Variants in HEPH observed in about 807,000 individuals in gnomAD.
HEPH encodes hephaestin.
Under a neutral mutation model 80.8 loss-of-function variants are expected in HEPH, and 69 were observed. That is an observed-to-expected ratio of 0.85 (90% CI 0.70 to 1.04). The LOEUF (loss-of-function observed/expected upper bound fraction) is 1.04. Ranked by LOEUF, HEPH falls within the 50% of genes least tolerant of loss-of-function variation. The probability of loss-of-function intolerance (pLI) is 0.00; values close to 1 mark genes in which losing one functional copy is unlikely to be tolerated. For missense variants in HEPH, 1,115 were observed against 891.3 expected (o/e 1.25, Z -3.20); for synonymous variants, 431 against 322.8 (o/e 1.34, Z -3.60).
chrX:66,207,173 A>C, intron 13 of HEPH, 22 bp from the exon 14 acceptor site: 3 of 1,189,978 alleles, frequency 2.5e-6, no homozygotes, highest in South Asian at 1.8e-5. Flanking sequence ...AGGTGCTGAT[A>C]GTACTCTTTG....
intron 18 of HEPH, among the ~76,000 whole-genome samples, chrX:66,259,531 G>A (rs2091286483): frequency 9.0e-6 from 1 of 111,451 alleles, no homozygotes; most frequent in African/African-American, 3.3e-5. Flanking sequence ...CATTCATAGG[G>A]GTCAAAGCTT....
chrX:66,180,606 T>A (rs1420938307), intron 4 of HEPH, among the ~76,000 whole-genome samples: 2 of 107,987 alleles, frequency 1.9e-5, no homozygotes, highest in Non-Finnish European at 3.8e-5. Flanking sequence ...AATCTTTTTG[T>A]AATGAATTTC....
chrX:66,264,817 TA>T (rs919595777), intron 20 of HEPH, among the ~76,000 whole-genome samples: 2 of 105,808 alleles, frequency 1.9e-5, no homozygotes, highest in African/African-American at 6.8e-5. Flanking sequence ...TATATATATA[TA>T]TTTTTATATA....
intron 13 of HEPH, among the ~76,000 whole-genome samples, chrX:66,204,235 T>A: frequency 8.9e-6 from 1 of 112,084 alleles, no homozygotes; most frequent in Non-Finnish European, 1.9e-5. Context: ...CTAATTCTTA[T>A]GGCCATAATT....
rs1176975454 is a variant in HEPH at position 66,265,679 on chromosome X, G to A, written c.3245-761G>A. Among the ~76,000 whole-genome samples the A allele has an allele frequency of 3.6e-5, 4 of 111,688 alleles. No homozygotes were observed. The Admixed American group carries it at 3.8e-4, about 11-fold the overall frequency. ...ATTTAAGGTAGGGCTAGAAAGATAA[G>A]GAGTAAAGTGTGTTCAGACAAAGGG... On this transcript the variant is annotated intron_variant, in intron 20 of 20. Transcript: ENST00000343002.
chrX:66,246,559 G>T (rs1342954035), intron 15 of HEPH, among the ~76,000 whole-genome samples: 1 of 110,937 alleles, frequency 9.0e-6, no homozygotes, highest in Admixed American at 9.6e-5. Context: ...CATCCAGGTG[G>T]TCCTCTGCCT....
At chrX:66,242,011 A>C (rs1399187153) in intron 15 of HEPH, among the ~76,000 whole-genome samples, 5 of 110,746 alleles carry the variant, frequency 4.5e-5, no homozygotes, top group African/African-American at 1.6e-4. Context: ...ATTAGAAAAA[A>C]AACTATTTTA....
At chrX:66,195,794 T>C (rs945786764) in intron 9 of HEPH, among the ~76,000 whole-genome samples, 3 of 111,999 alleles carry the variant, frequency 2.7e-5, no homozygotes, top group Non-Finnish European at 5.6e-5. Context: ...CAGGTTGCAA[T>C]GAATGAATGC....
In HEPH at chrX:66,193,724, G is replaced by T. The variant is rs1465267220; in HGVS notation, c.1369+86G>T. The stretch of plus-strand genomic sequence containing the variant: ...GAAACTGAGGCCTGGACATCACTTA[G>T]GAGCACATTGTAGACCAGCATCTCC... On this transcript the variant is annotated intron_variant, in intron 8 of 20. Coordinates refer to ENST00000343002, the MANE Select transcript of HEPH (RefSeq NM_001367233.3). The T allele has an allele frequency of 1.9e-5, 13 of 690,689 alleles. No individual in the cohort carries two copies. The East Asian group carries it at 4.5e-4, about 24-fold the overall frequency. The allele number at this position is 690,689 out of a possible 1,213,427, so 56.9% of individuals were successfully genotyped here. A position where few individuals can be genotyped will look rare whatever the true frequency, so the allele number is the denominator to read the frequency against.
chrX:66,164,902 GC>G (rs1282526249), intron 1 of HEPH, among the ~76,000 whole-genome samples: 1 of 112,084 alleles, frequency 8.9e-6, no homozygotes, highest in Non-Finnish European at 1.9e-5. Context: ...GCTTAACTAA[GC>G]TAAACATCTG....
At chrX:66,252,339 C>T (rs953425705) in intron 15 of HEPH, among the ~76,000 whole-genome samples, 13 of 111,490 alleles carry the variant, frequency 1.2e-4, no homozygotes, top group Admixed American at 1.9e-4. Flanking sequence ...AAGTCTTGAA[C>T]TCGATGGAGA....
At position 66,195,285 on chromosome X, in the gene HEPH, A is replaced by G. The variant is rs953488920; in HGVS notation, c.1501+56A>G. The G allele has an allele frequency of 6.2e-6, 6 of 972,636 alleles. No individual in the cohort carries two copies. The African/African-American group carries it at 7.9e-5, about 13-fold the overall frequency. The allele number at this position is 972,636 out of a possible 1,213,427, so 80.2% of individuals were successfully genotyped here. On this transcript the variant is annotated intron_variant, in intron 9 of 20. Coordinates refer to ENST00000343002, the MANE Select transcript of HEPH (RefSeq NM_001367233.3). ...GCTCTAGGTGGTACCATGTGTCTCT[A>G]GAAAACAAATAAATGGGAGATGGAG...
chrX:66,166,062 C>T (rs1430960808), intron 1 of HEPH, among the ~76,000 whole-genome samples: 1 of 111,601 alleles, frequency 9.0e-6, no homozygotes, highest in East Asian at 2.8e-4. Flanking sequence ...GAAACTGAGG[C>T]TCAGGAAGTT....
chrX:66,200,013 G>A (rs191926878), intron 11 of HEPH, among the ~76,000 whole-genome samples: 5 of 108,930 alleles, frequency 4.6e-5, no homozygotes, highest in Admixed American at 3.9e-4. Flanking sequence ...TTTAGTTCAG[G>A]CCAGGGAGGA....
chrX:66,189,984 G>GT (rs1290388929), intron 6 of HEPH, 46 bp downstream of exon 6: 1 of 1,126,963 alleles, frequency 8.9e-7, no homozygotes, highest in Non-Finnish European at 1.2e-6. Context: ...AGAGAGGTAT[G>GT]ATAATGGTCA....
intron 11 of HEPH, among the ~76,000 whole-genome samples, chrX:66,200,276 G>GTGTGTGTGTGTGTGTGTGGGT (rs2088360088): frequency 9.2e-6 from 1 of 108,670 alleles, no homozygotes; most frequent in African/African-American, 3.4e-5. Flanking sequence ...GTGTGTGTTT[G>GTGTGTGTGTGTGTGTGTGGGT]GTAGTGGAGA....
chrX:66,267,812 A>G (rs1456453988), downstream of HEPH: 3 of 110,984 alleles, frequency 2.7e-5, no homozygotes, highest in Non-Finnish European at 5.7e-5. Context: ...CCTTTGTTAC[A>G]TGCAAATTTG....
At chrX:66,209,766 G>A (rs762849890) in intron 15 of HEPH, among the ~76,000 whole-genome samples, 1 of 112,022 alleles carries the variant, frequency 8.9e-6, no homozygotes, top group Non-Finnish European at 1.9e-5. Context: ...CAGGAAAATA[G>A]TGATGCCATT....
intron 15 of HEPH, among the ~76,000 whole-genome samples, chrX:66,225,589 T>C (rs1478466384): frequency 8.9e-6 from 1 of 112,735 alleles, no homozygotes; most frequent in Non-Finnish European, 1.9e-5. Flanking sequence ...TTCAGATGTC[T>C]GGACTCCAGG....
Sources: allele counts gnomAD v4.1 joint callset (sites outside exome capture counted in the v4.1 genomes callset), GRCh38; gene constraint gnomAD v4.1.1; transcripts MANE v1.5; gene names NCBI Gene and HGNC (gene_info 2026-07-23, HGNC 2026-07-21).